Variants in PARD3 observed in about 807,000 individuals in gnomAD.
PARD3 encodes par-3 family cell polarity regulator.
Under a neutral mutation model 155.4 loss-of-function variants are expected in PARD3, and 75 were observed. That is an observed-to-expected ratio of 0.48 (90% CI 0.40 to 0.58). The LOEUF is 0.58. Among genes scored for constraint, PARD3 ranks in the 20% least tolerant of loss-of-function variants. The pLI, the probability that PARD3 is intolerant of heterozygous loss-of-function variation, is 0.00. For missense variants in PARD3, 1,642 were observed against 1,721.7 expected (o/e 0.95, Z 0.82); for synonymous variants, 576 against 610.5 (o/e 0.94, Z 0.83).
At position 34,198,302 on chromosome 10, in the gene PARD3, T is replaced by C. The variant is rs188048312; in HGVS notation, c.3420-66719A>G. On this transcript the variant is annotated intron_variant, in intron 22 of 24. Transcript: ENST00000374788. The stretch of plus-strand genomic sequence containing the variant: ...AATGCTGGTGATTATGAGTTTCACA[T>C]TTTTGTCTTTTTTTCTGTAAACAGT... Among the ~76,000 whole-genome samples, 9 of 152,276 alleles carry C rather than the reference T, an allele frequency of 5.9e-5. 1 individual carries two copies. The highest frequency in any genetic ancestry group is 1.9e-4 in the African/African-American group (8 of 41,554).
rs1348522734 is a variant in PARD3 at position 34,249,261 on chromosome 10, C to T, written c.3419+20396G>A. Among the ~76,000 whole-genome samples the T allele has an allele frequency of 2.6e-5, 4 of 152,304 alleles. No individual in the cohort carries two copies. In the East Asian group the frequency reaches 7.7e-4, roughly 29 times the overall value. On this transcript the variant is annotated intron_variant, in intron 22 of 24. Coordinates refer to ENST00000374788, the MANE Select transcript of PARD3 (RefSeq NM_001184785.2). ...TCCTGGCTTCAAGCAATCCTCCCAC[C>T]TCAGCCTCCCAAAGTGCTGGGATTA...
At chr10:34,779,052 T>A (rs1839928951) in intron 1 of PARD3, among the ~76,000 whole-genome samples, 1 of 152,250 alleles carries the variant, frequency 6.6e-6, no homozygotes, top group South Asian at 2.1e-4. Context: ...GACTCATACC[T>A]GTAATCCCAG....
At chr10:34,315,664 A>C (rs1957962973) in intron 20 of PARD3, among the ~76,000 whole-genome samples, 1 of 152,218 alleles carries the variant, frequency 6.6e-6, no homozygotes. Context: ...CAGTCTGCAC[A>C]TATGGAACAA....
At chr10:34,249,645 G>A (rs1954172120) in intron 22 of PARD3, among the ~76,000 whole-genome samples, 1 of 152,146 alleles carries the variant, frequency 6.6e-6, no homozygotes, top group Non-Finnish European at 1.5e-5. Flanking sequence ...TGGAATTTTG[G>A]CTTTTAAGAA....
At chr10:34,164,675 T>C (rs1190524545) in intron 22 of PARD3, among the ~76,000 whole-genome samples, 1 of 152,230 alleles carries the variant, frequency 6.6e-6, no homozygotes, top group African/African-American at 2.4e-5. Flanking sequence ...GTTTTATAGT[T>C]ACAGCAGAAG....
At chr10:34,150,231 A>G (rs1225814710) in intron 22 of PARD3, among the ~76,000 whole-genome samples, 1 of 152,220 alleles carries the variant, frequency 6.6e-6, no homozygotes, top group Non-Finnish European at 1.5e-5. Flanking sequence ...TAAACACTCA[A>G]TACGATGAAG....
chr10:34,179,166 GCGCACACACA>G (rs1554803193), intron 22 of PARD3, among the ~76,000 whole-genome samples: 30,178 of 131,226 alleles, frequency 0.23, 3,226 homozygotes, highest in Middle Eastern at 0.37. Flanking sequence ...ATGTGCGTGC[GCGCACACACA>G]CACACACACA....
rs188473577 is a variant in PARD3 at position 34,687,027 on chromosome 10, C to T, written c.222+9291G>A. Among the ~76,000 whole-genome samples the T allele has an allele frequency of 6.6e-3, 994 of 151,514 alleles. 12 individuals carry two copies. Among genetic ancestry groups the T allele is most frequent in the African/African-American group, 0.023 (932 of 41,286 alleles). On this transcript the variant is annotated intron_variant, in intron 2 of 24. Transcript: ENST00000374788. The stretch of plus-strand genomic sequence containing the variant: ...CAGCGCCACTGCACTCCAGTCCGGG[C>T]GACAGAGCAAGACTCTGTCTCAAAA...
chr10:34,160,477 T>C (rs2133041897), intron 22 of PARD3, among the ~76,000 whole-genome samples: 1 of 152,338 alleles, frequency 6.6e-6, no homozygotes, highest in Admixed American at 6.5e-5. Flanking sequence ...ACACTGCTGT[T>C]GATTACATTT....
intron 4 of PARD3, among the ~76,000 whole-genome samples, chr10:34,453,497 A>G (rs191102480): frequency 6.6e-6 from 1 of 152,272 alleles, no homozygotes; most frequent in East Asian, 1.9e-4. Flanking sequence ...AATATTTTTT[A>G]TGTTCCCTAT....
intron 2 of PARD3, among the ~76,000 whole-genome samples, chr10:34,583,705 A>G (rs1459276063): frequency 6.6e-6 from 1 of 152,214 alleles, no homozygotes; most frequent in Non-Finnish European, 1.5e-5. Flanking sequence ...ATAAGAGAAT[A>G]TATGTGAATC....
At chr10:34,588,226 A>G (rs988502484) in intron 2 of PARD3, among the ~76,000 whole-genome samples, 2 of 152,218 alleles carry the variant, frequency 1.3e-5, no homozygotes, top group Non-Finnish European at 2.9e-5. Context: ...GTAAGATAAC[A>G]TCTTAGCATA....
At chr10:34,733,787 A>G (rs1484463987) in intron 1 of PARD3, among the ~76,000 whole-genome samples, 1 of 152,248 alleles carries the variant, frequency 6.6e-6, no homozygotes, top group Non-Finnish European at 1.5e-5. Flanking sequence ...GGCGTGAGCC[A>G]CCGCACCCTG....
intron 5 of PARD3, among the ~76,000 whole-genome samples, chr10:34,403,701 T>C (rs929410057): frequency 1.3e-5 from 2 of 152,194 alleles, no homozygotes; most frequent in Admixed American, 6.5e-5. Context: ...CTTAGTCATC[T>C]ATCTCCTTTA....
At position 34,365,714 on chromosome 10, in the gene PARD3, A is replaced by G. The variant is rs369308660; in HGVS notation, c.1708-5455T>C. On this transcript the variant is annotated intron_variant, in intron 12 of 24. Coordinates refer to ENST00000374788, the MANE Select transcript of PARD3 (RefSeq NM_001184785.2). ...GCAATTGTCCTGCCTCAGCCTCCCA[A>G]GCAGTTGGGACTAAAGGCGTGAGCC... is the stretch of plus-strand genomic sequence containing the variant. 1.6e-3 allele frequency among the ~76,000 whole-genome samples: 246 copies of G among 152,128 alleles called. 2 individuals carry two copies. The highest frequency in any genetic ancestry group is 0.014 in the Middle Eastern group (4 of 294).
intron 3 of PARD3, among the ~76,000 whole-genome samples, chr10:34,489,515 C>T (rs995060496): frequency 3.3e-5 from 5 of 152,320 alleles, no homozygotes; most frequent in Non-Finnish European, 7.4e-5. Context: ...CAAATTAATT[C>T]CTTACCACAC....
rs183775771 is a variant in PARD3, at chr10:34,287,969, G to A, written c.3066-3724C>T. Among the ~76,000 whole-genome samples, 4 of 152,250 alleles carry A rather than the reference G, an allele frequency of 2.6e-5. No homozygotes were observed. In the East Asian group the frequency reaches 7.7e-4, roughly 29 times the overall value. On this transcript the variant is annotated intron_variant, in intron 20 of 24. Transcript: ENST00000374788. ...CTCATGCCTGCAATCCCAGCATTTT[G>A]GGAGGTCGCCGTGGACAGATCACTT...
At chr10:34,659,478 T>C (rs1179699572) in intron 2 of PARD3, among the ~76,000 whole-genome samples, 2 of 152,092 alleles carry the variant, frequency 1.3e-5, no homozygotes, top group African/African-American at 4.8e-5. Flanking sequence ...TTAAAGGAAG[T>C]GCCACTCACA....
intron 22 of PARD3, among the ~76,000 whole-genome samples, chr10:34,148,401 A>G (rs1948622400): frequency 6.6e-6 from 1 of 152,070 alleles, no homozygotes; most frequent in South Asian, 2.1e-4. Flanking sequence ...TGGCGCTGAC[A>G]TTGTTTCATT....
Sources: allele counts gnomAD v4.1 joint callset (sites outside exome capture counted in the v4.1 genomes callset), GRCh38; gene constraint gnomAD v4.1.1; transcripts MANE v1.5; gene names NCBI Gene and HGNC (gene_info 2026-07-23, HGNC 2026-07-21).